Variants in SLC44A1 observed in about 807,000 individuals in gnomAD.
The protein encoded by SLC44A1 is solute carrier family 44 member 1.
A neutral mutation model predicts 79.3 loss-of-function variants in SLC44A1; 26 were observed. The ratio of observed to expected loss-of-function variants is 0.33; its 90% confidence interval spans 0.24 to 0.46. The LOEUF (loss-of-function observed/expected upper bound fraction) is 0.46. Among genes scored for constraint, SLC44A1 ranks in the 20% least tolerant of loss-of-function variants. The pLI, the probability that SLC44A1 is intolerant of heterozygous loss-of-function variation, is 1.00. For missense variants in SLC44A1, 688 were observed against 798.1 expected, an observed-to-expected ratio of 0.86 and a Z score of 1.66; for synonymous variants, 263 against 286.2, an observed-to-expected ratio of 0.92 and a Z score of 0.82.
chr9:105,363,145 C>T (rs909981226), intron 9 of SLC44A1, 138 bp downstream of exon 9: 3 of 646,960 alleles, frequency 4.6e-6, no homozygotes, highest in Admixed American at 5.7e-5. Context: ...GGTTATGGCT[C>T]CTCAACAACC....
At chr9:105,350,639 A>G (rs1827376940) in intron 5 of SLC44A1, among the ~76,000 whole-genome samples, 1 of 152,132 alleles carries the variant, frequency 6.6e-6, no homozygotes, top group South Asian at 2.1e-4. Context: ...AATTCCATAT[A>G]ATTACTTTCT....
chr9:105,400,487 CA>C (rs67752609), downstream of SLC44A1, among the ~76,000 whole-genome samples: 6 of 148,730 alleles, frequency 4.0e-5, no homozygotes, highest in African/African-American at 1.5e-4. Flanking sequence ...GACGCCATCT[CA>C]AAAAAAGAAA....
intron 1 of SLC44A1, among the ~76,000 whole-genome samples, chr9:105,258,745 C>T (rs552964502): frequency 1.3e-4 from 20 of 152,090 alleles, no homozygotes; most frequent in South Asian, 6.2e-4. Context: ...TGGAGTGCAG[C>T]GGCGCAGTCT....
chr9:105,366,292 T>C, intron 11 of SLC44A1, 54 bp from the exon 12 acceptor site: 3 of 910,128 alleles, frequency 3.3e-6, no homozygotes, highest in South Asian at 4.2e-5. Flanking sequence ...AAGTCTTCTA[T>C]GTGACAGTTT....
chr9:105,356,831 A>G (rs528419839), intron 6 of SLC44A1, among the ~76,000 whole-genome samples: 1 of 152,264 alleles, frequency 6.6e-6, no homozygotes, highest in South Asian at 2.1e-4. Context: ...TACAGTGCAT[A>G]GTATCAGTGT....
At chr9:105,317,361 A>G (rs1021461338) in intron 3 of SLC44A1, among the ~76,000 whole-genome samples, 4 of 152,170 alleles carry the variant, frequency 2.6e-5, no homozygotes, top group African/African-American at 7.2e-5. Flanking sequence ...ATTTAGGTAT[A>G]AAGATGCTAA....
intron 5 of SLC44A1, among the ~76,000 whole-genome samples, chr9:105,355,525 A>G (rs1476598737): frequency 6.6e-6 from 1 of 152,244 alleles, no homozygotes; most frequent in African/African-American, 2.4e-5. Flanking sequence ...GTAATCTTTT[A>G]TGCAGAGATA....
At chr9:105,273,915 C>A (rs1830136067) in intron 1 of SLC44A1, among the ~76,000 whole-genome samples, 2 of 152,104 alleles carry the variant, frequency 1.3e-5, no homozygotes, top group Non-Finnish European at 2.9e-5. Flanking sequence ...GAATCTTCCA[C>A]CCTGTTGTCT....
chr9:105,328,803 C>A (rs74928205), intron 3 of SLC44A1, among the ~76,000 whole-genome samples: 402 of 152,244 alleles, frequency 2.6e-3, no homozygotes, highest in African/African-American at 9.1e-3. Context: ...ACAAATGGCA[C>A]CTCTTCCTTA....
At chr9:105,341,245 GA>G (rs1478354215) in intron 4 of SLC44A1, among the ~76,000 whole-genome samples, 1 of 150,492 alleles carries the variant, frequency 6.6e-6, no homozygotes, top group Non-Finnish European at 1.5e-5. Context: ...TGAGATAGGA[GA>G]ATTGCTTGAA....
chr9:105,358,048 C>T (rs964792068), intron 6 of SLC44A1, among the ~76,000 whole-genome samples: 10 of 152,290 alleles, frequency 6.6e-5, no homozygotes, highest in African/African-American at 1.4e-4. Context: ...ATGTCTTCCC[C>T]GTGGTGAATC....
chr9:105,367,159 C>T (rs971390138), intron 12 of SLC44A1, among the ~76,000 whole-genome samples: 6 of 151,974 alleles, frequency 3.9e-5, no homozygotes, highest in Admixed American at 1.3e-4. Context: ...GTTACTTTTC[C>T]ATTCCCTAAA....
chr9:105,358,846 C>G (rs1386569622), intron 7 of SLC44A1, among the ~76,000 whole-genome samples: 1 of 152,026 alleles, frequency 6.6e-6, no homozygotes, highest in Non-Finnish European at 1.5e-5. Context: ...TATCTTCACC[C>G]TTGTTTTGAT....
intron 1 of SLC44A1, among the ~76,000 whole-genome samples, chr9:105,278,540 G>A (rs368510634): frequency 1.5e-4 from 23 of 152,186 alleles, no homozygotes; most frequent in African/African-American, 4.8e-4. Flanking sequence ...GAGCCACCGC[G>A]CCTGGCCTTT....
intron 3 of SLC44A1, among the ~76,000 whole-genome samples, chr9:105,311,412 G>T (rs80086353): frequency 0.03 from 4,642 of 152,210 alleles, 80 homozygotes; most frequent in Non-Finnish European, 0.045. Context: ...CATGGGATTG[G>T]AATCATTTTT....
chr9:105,271,456 G>A (rs979879679), intron 1 of SLC44A1, among the ~76,000 whole-genome samples: 1 of 152,118 alleles, frequency 6.6e-6, no homozygotes, highest in East Asian at 1.9e-4. Flanking sequence ...TAATGACTTC[G>A]TTGGAATATC....
intron 3 of SLC44A1, among the ~76,000 whole-genome samples, chr9:105,322,864 A>G (rs959443213): frequency 1.3e-5 from 2 of 152,166 alleles, no homozygotes; most frequent in Non-Finnish European, 2.9e-5. Context: ...GTATAATTTC[A>G]ATATTATAAA....
At chr9:105,265,413 C>T in intron 1 of SLC44A1, among the ~76,000 whole-genome samples, 1 of 152,160 alleles carries the variant, frequency 6.6e-6, no homozygotes, top group Non-Finnish European at 1.5e-5. Context: ...TTGAGTTTGG[C>T]TTCTTTTCTT....
chr9:105,289,468 A>G (rs1356861348), intron 1 of SLC44A1, among the ~76,000 whole-genome samples: 1 of 152,202 alleles, frequency 6.6e-6, no homozygotes, highest in East Asian at 1.9e-4. Context: ...TACTGGGAAA[A>G]CATAAATAAT....
Sources: allele counts gnomAD v4.1 joint callset (sites outside exome capture counted in the v4.1 genomes callset), GRCh38; gene constraint gnomAD v4.1.1; transcripts MANE v1.5; gene names NCBI Gene and HGNC (gene_info 2026-07-23, HGNC 2026-07-21).